KYNU: variants seen among roughly 807,000 people sequenced by gnomAD.
KYNU encodes the protein kynureninase.
KYNU carries 54 observed loss-of-function variants against 59.2 expected under a neutral mutation model. That is an observed-to-expected ratio of 0.91 (90% CI 0.73 to 1.14). KYNU has a LOEUF of 1.14. Ranked by LOEUF, KYNU falls within the 50% of genes most tolerant of loss-of-function variation. KYNU has a pLI of 0.00. For synonymous variants in KYNU, 177 were observed against 192.0 expected, an observed-to-expected ratio of 0.92 and a Z score of 0.65; for missense variants, 567 against 554.4, an observed-to-expected ratio of 1.02 and a Z score of -0.23.
At chr2:143,030,003 G>A (rs1686696616) in intron 11 of KYNU, among the ~76,000 whole-genome samples, 1 of 152,174 alleles carries the variant, frequency 6.6e-6, no homozygotes, top group African/African-American at 2.4e-5. Flanking sequence ...GGGGCTTGGA[G>A]TCAGATCCAG....
chr2:143,052,697 A>G lies in KYNU; in HGVS notation c.*10525A>G, dbSNP rs916854489. The stretch of plus-strand genomic sequence containing the variant: ...AACTGAGGTTTGGGAACTTACACCA[A>G]GATTTCAGAGGATGTATGGAAATGC... On this transcript the variant is annotated 3_prime_UTR_variant, in exon 14 of 14. Transcript: ENST00000264170. 6.6e-6 allele frequency: 1 copy of G among 152,272 alleles called. No individual in the cohort carries two copies. Among genetic ancestry groups the G allele is most frequent in the Non-Finnish European group, 1.5e-5 (1 of 68,074 alleles). The allele number at this position is 152,272 out of a possible 1,614,324, so 9.4% of individuals were successfully genotyped here. A position where few individuals can be genotyped will look rare whatever the true frequency, so the allele number is the denominator to read the frequency against.
At chr2:142,903,093 T>C (rs1443688658) in intron 2 of KYNU, among the ~76,000 whole-genome samples, 1 of 152,104 alleles carries the variant, frequency 6.6e-6, no homozygotes, top group Non-Finnish European at 1.5e-5. Flanking sequence ...CTCCACTGTC[T>C]ATTGGGCTTC....
chr2:142,984,982 T>G, intron 8 of KYNU, 102 bp from the exon 9 acceptor site: 1 of 780,352 alleles, frequency 1.3e-6, no homozygotes, highest in Non-Finnish European at 2.3e-6. Context: ...CAAACCATAA[T>G]TTATGGTACA....
Position 143,046,033 on chromosome 2 carries a change from A to C in KYNU, c.*3861A>C, listed in dbSNP as rs1443532024. ...AAAATATTTCATGCTAATCACATTA[A>C]AATTATATCAAAGTATATAAACATA... On this transcript the variant is annotated 3_prime_UTR_variant, in exon 14 of 14. Coordinates refer to ENST00000264170, the MANE Select transcript of KYNU (RefSeq NM_003937.3). The C allele has an allele frequency of 6.6e-6, 1 of 152,194 alleles. No individual in the cohort carries two copies. Among genetic ancestry groups the C allele is most frequent in the Non-Finnish European group, 1.5e-5 (1 of 68,030 alleles). 9.4% of individuals were successfully genotyped at this position (152,194 alleles called of 1,614,324 possible).
intron 8 of KYNU, among the ~76,000 whole-genome samples, chr2:142,977,513 C>A (rs1227651301): frequency 1.3e-5 from 2 of 151,964 alleles, no homozygotes; most frequent in Non-Finnish European, 2.9e-5. Context: ...TGCCGTGTGA[C>A]ATGATTTCTA....
intron 1 of KYNU, among the ~76,000 whole-genome samples, chr2:142,883,600 G>A (rs1177772074): frequency 6.6e-6 from 1 of 151,952 alleles, no homozygotes; most frequent in African/African-American, 2.4e-5. Flanking sequence ...AGTTGAACAA[G>A]CCAAGCCCAT....
At chr2:142,922,399 T>G (rs1221045274) in intron 3 of KYNU, among the ~76,000 whole-genome samples, 1 of 151,910 alleles carries the variant, frequency 6.6e-6, no homozygotes, top group Non-Finnish European at 1.5e-5. Flanking sequence ...CAGCTATTCG[T>G]GAGGTTGAGG....
At chr2:142,933,286 A>C (rs1191995721) in intron 4 of KYNU, among the ~76,000 whole-genome samples, 1 of 152,144 alleles carries the variant, frequency 6.6e-6, no homozygotes, top group African/African-American at 2.4e-5. Context: ...GCTGTTGGTC[A>C]GTATAGAGGG....
chr2:142,999,935 G>C (rs1025023068), intron 10 of KYNU, among the ~76,000 whole-genome samples: 5 of 151,992 alleles, frequency 3.3e-5, no homozygotes, highest in Admixed American at 6.6e-5. Context: ...ATCTTACCAA[G>C]TTGCAATTTT....
chr2:142,969,114 T>C (rs1684634811), intron 8 of KYNU, among the ~76,000 whole-genome samples: 1 of 152,180 alleles, frequency 6.6e-6, no homozygotes, highest in Non-Finnish European at 1.5e-5. Flanking sequence ...ACTGAACTCC[T>C]GTAGTTTAAC....
chr2:142,889,640 T>A (rs1681637722), intron 2 of KYNU, among the ~76,000 whole-genome samples: 1 of 152,164 alleles, frequency 6.6e-6, no homozygotes, highest in Non-Finnish European at 1.5e-5. Flanking sequence ...CCCCCAACGG[T>A]GTTGAAATTT....
intron 8 of KYNU, 100 bp downstream of exon 8, chr2:142,960,870 A>T: frequency 7.9e-7 from 1 of 1,263,266 alleles, no homozygotes; most frequent in Non-Finnish European, 1.1e-6. Context: ...CTTGTGTCTG[A>T]GTAAAACTAT....
chr2:142,880,957 A>G (rs1296036353), intron 1 of KYNU, among the ~76,000 whole-genome samples: 1 of 152,236 alleles, frequency 6.6e-6, no homozygotes, highest in East Asian at 1.9e-4. Flanking sequence ...TACCTGGCAG[A>G]ATGTATTATT....
Position 142,905,264 on chromosome 2 carries a change from A to T in KYNU, c.170-13345A>T, listed in dbSNP as rs533603213. On this transcript the variant is annotated intron_variant, in intron 2 of 13. Transcript: ENST00000264170. Reference sequence around the variant, plus strand: ...TTTTCCTACGAGGAGAGCAAGGAGAAAAAGATGGGCTTGCTGGTTTTGTAG... The same window carrying T: ...TTTTCCTACGAGGAGAGCAAGGAGATAAAGATGGGCTTGCTGGTTTTGTAG... Among the ~76,000 whole-genome samples, 53 of 152,312 alleles carry T rather than the reference A, an allele frequency of 3.5e-4. 1 individual carries two copies. In the South Asian group the frequency reaches 0.011, roughly 32 times the overall value.
At chr2:142,880,128 A>G (rs1437440898) in intron 1 of KYNU, among the ~76,000 whole-genome samples, 3 of 152,230 alleles carry the variant, frequency 2.0e-5, no homozygotes, top group African/African-American at 7.2e-5. Context: ...CTTTGGCGGC[A>G]GGGGTACTCT....
chr2:142,893,543 TC>T (rs559602830), intron 2 of KYNU, among the ~76,000 whole-genome samples: 283 of 152,302 alleles, frequency 1.9e-3, no homozygotes, highest in African/African-American at 6.6e-3. Context: ...TTTTTAGGCT[TC>T]TTTTCCAAGA....
intron 10 of KYNU, among the ~76,000 whole-genome samples, chr2:142,995,560 A>G (rs1685515555): frequency 2.0e-5 from 3 of 152,118 alleles, no homozygotes; most frequent in Admixed American, 2.0e-4. Flanking sequence ...GAATTGATAG[A>G]GATCTTTTTA....
intron 4 of KYNU, among the ~76,000 whole-genome samples, chr2:142,945,576 T>A (rs1049095055): frequency 3.3e-5 from 5 of 152,148 alleles, no homozygotes; most frequent in African/African-American, 1.2e-4. Context: ...CCAGTTCCTG[T>A]TCATGTTGAT....
At chr2:142,879,971 G>C (rs1681235306) in intron 1 of KYNU, among the ~76,000 whole-genome samples, 1 of 152,056 alleles carries the variant, frequency 6.6e-6, no homozygotes, top group South Asian at 2.1e-4. Context: ...TCAAATATAA[G>C]GCAAGCTCTC....
Sources: allele counts gnomAD v4.1 joint callset (sites outside exome capture counted in the v4.1 genomes callset), GRCh38; gene constraint gnomAD v4.1.1; transcripts MANE v1.5; gene names NCBI Gene and HGNC (gene_info 2026-07-23, HGNC 2026-07-21).